LRP12: variants seen among roughly 807,000 people sequenced by gnomAD.
The protein encoded by LRP12 is low-density lipoprotein receptor-related protein 12.
Under a neutral mutation model 66.0 loss-of-function variants are expected in LRP12, and 14 were observed. The ratio of observed to expected loss-of-function variants is 0.21; its 90% CI spans 0.14 to 0.33. The LOEUF (loss-of-function observed/expected upper bound fraction) is 0.33. LRP12 is among the 10% of genes least tolerant of loss of function. LRP12 has a pLI of 1.00. For missense variants in LRP12, 889 were observed against 1,053.4 expected, an observed-to-expected ratio of 0.84 and a Z score of 2.16; for synonymous variants, 357 against 359.1, an observed-to-expected ratio of 0.99 and a Z score of 0.07.
At chr8:104,513,267 T>G (rs1237132540) in intron 2 of LRP12, among the ~76,000 whole-genome samples, 4 of 152,244 alleles carry the variant, frequency 2.6e-5, no homozygotes, top group Non-Finnish European at 2.9e-5. Flanking sequence ...CTAGATGCTG[T>G]CTGTTCTACC....
chr8:104,562,138 T>C (rs1372054786), intron 1 of LRP12, among the ~76,000 whole-genome samples: 3 of 152,184 alleles, frequency 2.0e-5, no homozygotes, highest in Admixed American at 6.6e-5. Flanking sequence ...TTAATTCCAC[T>C]GTGGCTCAGT....
In LRP12 at chr8:104,548,571, T is replaced by C. The variant is rs576084413; in HGVS notation, c.80-16608A>G. Among the ~76,000 whole-genome samples the C allele has an allele frequency of 7.6e-3, 816 of 107,422 alleles. 14 individuals carry two copies. Among genetic ancestry groups the C allele is most frequent in the Admixed American group, 0.015 (154 of 10,016 alleles). The allele number at this position is 107,422 out of a possible 152,430, so 70.5% of individuals were successfully genotyped here. A position where few individuals can be genotyped will look rare whatever the true frequency, so the allele number is the denominator to read the frequency against. ...TTTTGTATATGATATAGAATTATAA[T>C]TCTATATTATATTTTGTATATAATA... On this transcript the variant is annotated intron_variant, in intron 1 of 6. Transcript: ENST00000276654.
At chr8:104,585,723 A>G (rs1045317640) in intron 1 of LRP12, among the ~76,000 whole-genome samples, 5 of 152,194 alleles carry the variant, frequency 3.3e-5, no homozygotes, top group Non-Finnish European at 5.9e-5. Context: ...TTTTTTCTCT[A>G]TGTACATAGT....
At chr8:104,575,697 A>C (rs1360047133) in intron 1 of LRP12, among the ~76,000 whole-genome samples, 1 of 152,152 alleles carries the variant, frequency 6.6e-6, no homozygotes, top group Non-Finnish European at 1.5e-5. Flanking sequence ...AACTCTGAAA[A>C]CTCAAAAAGC....
rs1420003843 is a variant in LRP12, at chr8:104,532,821, G to A, written c.80-858C>T. On this transcript the variant is annotated intron_variant, in intron 1 of 6. Transcript: ENST00000276654. ...CACCCCAATGCACTAAGCTGTAGGA[G>A]AACAGAATTTGTGTTTATTTGGCTC... Among the ~76,000 whole-genome samples, 3 of 152,192 alleles carry A rather than the reference G, an allele frequency of 2.0e-5. No individual in the cohort carries two copies. The South Asian group carries it at 6.2e-4, about 32-fold the overall frequency.
chr8:104,503,013 T>G (rs1021284607), intron 3 of LRP12, among the ~76,000 whole-genome samples: 1 of 152,096 alleles, frequency 6.6e-6, no homozygotes, highest in Non-Finnish European at 1.5e-5. Context: ...GGTGAAACCC[T>G]ATCTCTACTA....
chr8:104,543,933 AAAC>A (rs958158426), intron 1 of LRP12, among the ~76,000 whole-genome samples: 1 of 152,208 alleles, frequency 6.6e-6, no homozygotes, highest in Admixed American at 6.5e-5. Flanking sequence ...AAACAAAACA[AAAC>A]AACAACAACA....
chr8:104,572,160 T>C (rs1165098214), intron 1 of LRP12, among the ~76,000 whole-genome samples: 1 of 152,190 alleles, frequency 6.6e-6, no homozygotes, highest in Non-Finnish European at 1.5e-5. Flanking sequence ...TCTCAAATGG[T>C]TATGTGTTGG....
In LRP12 at chr8:104,496,928, G is replaced by T. The variant is rs375408925; in HGVS notation, c.1580+44C>A. 3.6e-5 allele frequency: 52 copies of T among 1,458,036 alleles called. No individual in the cohort carries two copies. In the East Asian group the frequency reaches 8.3e-4, roughly 23 times the overall value. The allele number at this position is 1,458,036 out of a possible 1,614,324, so 90.3% of individuals were successfully genotyped here. ...TCAAAGAACTTGTTTCAAACACTTG[G>T]GCCTGCTTTTATTGAGGCCCAATAG... is the stretch of plus-strand genomic sequence containing the variant. On this transcript the variant is annotated intron_variant, in intron 5 of 6. Coordinates refer to ENST00000276654, the MANE Select transcript of LRP12 (RefSeq NM_013437.5).
At chr8:104,521,207 G>A (rs1407143430) in intron 2 of LRP12, among the ~76,000 whole-genome samples, 1 of 151,848 alleles carries the variant, frequency 6.6e-6, no homozygotes. Context: ...AATCTGAAGT[G>A]TGAAATGCTC....
At chr8:104,527,617 A>G (rs563608358) in intron 2 of LRP12, among the ~76,000 whole-genome samples, 5 of 152,002 alleles carry the variant, frequency 3.3e-5, no homozygotes, top group East Asian at 1.9e-4. Flanking sequence ...TCACTCATAG[A>G]TGGGAATTGA....
intron 1 of LRP12, among the ~76,000 whole-genome samples, chr8:104,568,719 A>C (rs1428612733): frequency 6.6e-6 from 1 of 152,156 alleles, no homozygotes; most frequent in Non-Finnish European, 1.5e-5. Flanking sequence ...AATCAAAACC[A>C]CCATGACATA....
chr8:104,493,043 A>G (rs937816232), intron 6 of LRP12, among the ~76,000 whole-genome samples: 18 of 152,174 alleles, frequency 1.2e-4, no homozygotes, highest in Non-Finnish European at 2.1e-4. Context: ...AATGCCTTCA[A>G]CATACTTTAT....
chr8:104,530,427 T>C (rs1811308538), intron 2 of LRP12, among the ~76,000 whole-genome samples: 1 of 152,168 alleles, frequency 6.6e-6, no homozygotes, highest in Admixed American at 6.5e-5. Context: ...AAGAGACCTC[T>C]TGCTTTCTCT....
chr8:104,550,893 C>G (rs1811715525), intron 1 of LRP12, among the ~76,000 whole-genome samples: 1 of 152,100 alleles, frequency 6.6e-6, no homozygotes, highest in African/African-American at 2.4e-5. Context: ...GCACTATTCT[C>G]TCATGAATCC....
rs759783590 is a variant in LRP12 at position 104,497,654 on chromosome 8, G to A, written c.898C>T (p.Arg300Cys). The change falls in exon 5 of 7, where the codon CGC becomes TGC. Residue 300 changes from arginine (R) to cysteine (C), a missense_variant. Arg to Cys is a radical substitution (Grantham distance 180, BLOSUM62 -3). This residue lies in a region of LRP12 where 800 missense variants were observed against 964.5 expected (regional missense o/e 0.83). Transcript: ENST00000276654. This position sits in a 1 kb window ranked among gnomAD's most constrained non-coding sequence, Gnocchi z 4.3. ...DTGDHRKVIL[R>C]FTDFKLDGTG... ...CCATCAAGTTTAAAGTCAGTGAAGCGTAAAATGACTTTACGGTGATCACCA... is the reference window on the plus strand; with the variant it reads ...CCATCAAGTTTAAAGTCAGTGAAGCATAAAATGACTTTACGGTGATCACCA... 33 of 1,613,896 alleles carry A rather than the reference G, an allele frequency of 2.0e-5. No homozygotes were observed. Among genetic ancestry groups the A allele is most frequent in the African/African-American group, 4.0e-5 (3 of 74,920 alleles).
chr8:104,557,935 C>G (rs572913855), intron 1 of LRP12, among the ~76,000 whole-genome samples: 1 of 152,020 alleles, frequency 6.6e-6, no homozygotes, highest in Admixed American at 6.6e-5. Context: ...ATAGGCCTAG[C>G]GCAGTGGTTC....
chr8:104,584,200 C>T (rs1420202283), intron 1 of LRP12, among the ~76,000 whole-genome samples: 1 of 151,924 alleles, frequency 6.6e-6, no homozygotes, highest in African/African-American at 2.4e-5. Context: ...TAGAGATCAT[C>T]AACTTCCAAT....
Position 104,499,418 on chromosome 8 carries a change from G to A in LRP12, c.374C>T (p.Thr125Ile). 2 of 1,613,570 alleles carry A rather than the reference G, an allele frequency of 1.2e-6. No individual in the cohort carries two copies. Among genetic ancestry groups the A allele is most frequent in the South Asian group, 1.1e-5 (1 of 91,062 alleles). Residue 125 changes from threonine (T) to isoleucine (I), a missense_variant, in exon 4 of 7, where the codon ACA (threonine) becomes ATA (isoleucine). Coordinates refer to ENST00000276654, the MANE Select transcript of LRP12 (RefSeq NM_013437.5). ...TGAAGAGATATACGGAGGTGGAATT[G>A]TGGAACCACAAGCTCTGTAACTTTC... ...NIESYRACGS[T>I]IPPPYISSQD...
Sources: gnomAD v4.1 joint callset for allele counts (sites outside exome capture counted in the v4.1 genomes callset) on GRCh38, gnomAD v4.1.1 for gene constraint, gnomAD v4.1.1 regional missense constraint, Gnocchi (gnomAD v3.1) non-coding constraint, MANE v1.5 for transcripts, NCBI Gene and HGNC (gene_info 2026-07-23, HGNC 2026-07-21) for gene names.